SLC43A2: variants seen among roughly 807,000 people sequenced by gnomAD.
The protein encoded by SLC43A2 is large neutral amino acids transporter small subunit 4.
In SLC43A2, 38 loss-of-function variants were observed where a neutral mutation model predicts 63.2. The observed-to-expected ratio is 0.60, with a 90% CI of 0.46 to 0.79. The LOEUF is 0.79. Ranked by LOEUF, SLC43A2 falls within the 30% of genes least tolerant of loss-of-function variation. SLC43A2 has a pLI of 0.00. For missense variants in SLC43A2, 644 were observed against 756.2 expected (o/e 0.85, Z 1.74); for synonymous variants, 322 against 331.0 (o/e 0.97, Z 0.30).
intron 11 of SLC43A2, among the ~76,000 whole-genome samples, chr17:1,581,921 T>C (rs944886208): frequency 3.3e-5 from 5 of 150,898 alleles, no homozygotes; most frequent in Admixed American, 1.3e-4. Flanking sequence ...TTCTCCTGCC[T>C]CAGCCCTCCT....
intron 2 of SLC43A2, among the ~76,000 whole-genome samples, chr17:1,622,942 T>C (rs1199672947): frequency 6.7e-6 from 1 of 148,660 alleles, no homozygotes; most frequent in Non-Finnish European, 1.5e-5. Flanking sequence ...AAAATACAAA[T>C]ACAAATACAA....
At chr17:1,595,438 C>G (rs1190351181) in intron 5 of SLC43A2, among the ~76,000 whole-genome samples, 1 of 152,048 alleles carries the variant, frequency 6.6e-6, no homozygotes, top group Admixed American at 6.6e-5. Flanking sequence ...CGCCACCATG[C>G]CCCAGCTAGT....
Position 1,572,219 on chromosome 17 carries a change from C to T in SLC43A2, c.*3385G>A, listed in dbSNP as rs1005201465. ...CCCAGAAACGGAAACCATGCCTGGG[C>T]CTGCTCCCCTTCCTTGGGCTGTGAC... On this transcript the variant is annotated 3_prime_UTR_variant, in exon 14 of 14. Transcript: ENST00000301335. 1.3e-5 allele frequency: 2 copies of T among 152,048 alleles called. No individual in the cohort carries two copies. Among genetic ancestry groups the T allele is most frequent in the African/African-American group, 4.8e-5 (2 of 41,282 alleles). The allele number at this position is 152,048 out of a possible 1,614,324, so 9.4% of individuals were successfully genotyped here.
At chr17:1,627,016 G>C (rs1230447025) in intron 2 of SLC43A2, among the ~76,000 whole-genome samples, 2 of 152,162 alleles carry the variant, frequency 1.3e-5, no homozygotes, top group East Asian at 3.9e-4. Flanking sequence ...AGCATCCTCA[G>C]CCTGCCTTCA....
intron 5 of SLC43A2, among the ~76,000 whole-genome samples, chr17:1,600,962 C>CGAAAGAAAA (rs1905949671): frequency 6.6e-6 from 1 of 151,562 alleles, no homozygotes; most frequent in Non-Finnish European, 1.5e-5. Flanking sequence ...CTAGAGATAC[C>CGAAAGAAAA]GAAAGAAAAG....
intron 10 of SLC43A2, 24 bp downstream of exon 10, chr17:1,585,888 CG>C: frequency 6.2e-7 from 1 of 1,613,330 alleles, no homozygotes; most frequent in Non-Finnish European, 8.5e-7. Flanking sequence ...GGCTGGGAGC[CG>C]GGGCACCGGC....
chr17:1,615,374 A>G (rs1483950476), intron 3 of SLC43A2, among the ~76,000 whole-genome samples: 1 of 151,972 alleles, frequency 6.6e-6, no homozygotes, highest in Non-Finnish European at 1.5e-5. Context: ...CCTCCCAAAA[A>G]GCTGGGATTA....
In SLC43A2 at chr17:1,605,156, G is replaced by A. The variant is rs1335737436; in HGVS notation, c.501+8039C>T. 2.4e-6 allele frequency: 3 copies of A among 1,247,994 alleles called. No individual in the cohort carries two copies. Among genetic ancestry groups the A allele is most frequent in the South Asian group, 1.7e-5 (1 of 57,650 alleles). The allele number at this position is 1,247,994 out of a possible 1,614,324, so 77.3% of individuals were successfully genotyped here. The stretch of plus-strand genomic sequence containing the variant: ...CCCTCGCCGCCTCTGCCTCCGTGCG[G>A]GTCAACCTGTCCTGCCAGCCCGGGC... On this transcript the variant is annotated intron_variant, in intron 5 of 13. Transcript: ENST00000301335. This position sits in a 1 kb window ranked among gnomAD's most constrained non-coding sequence, Gnocchi z 4.9.
chr17:1,624,096 C>A (rs185678681), intron 2 of SLC43A2, among the ~76,000 whole-genome samples: 2 of 152,222 alleles, frequency 1.3e-5, no homozygotes, highest in African/African-American at 4.8e-5. Context: ...ACGGCACCTT[C>A]GTCAATGTTT....
At chr17:1,590,017 T>G (rs1374734803) in intron 9 of SLC43A2, among the ~76,000 whole-genome samples, 4 of 152,212 alleles carry the variant, frequency 2.6e-5, no homozygotes, top group Non-Finnish European at 5.9e-5. Context: ...AAAAACCTGA[T>G]AACTGATTCT....
intron 5 of SLC43A2, among the ~76,000 whole-genome samples, chr17:1,611,364 G>C (rs911292951): frequency 2.6e-5 from 4 of 152,156 alleles, no homozygotes. Flanking sequence ...GCCGAGCGCC[G>C]TGGCTCACGC....
intron 2 of SLC43A2, among the ~76,000 whole-genome samples, chr17:1,620,565 C>T (rs2151079593): frequency 6.6e-6 from 1 of 152,238 alleles, no homozygotes; most frequent in African/African-American, 2.4e-5. Flanking sequence ...CAAATCCCTG[C>T]CGATGGGGCC....
chr17:1,629,177 T>C (rs1908969907), upstream of SLC43A2, among the ~76,000 whole-genome samples: 1 of 149,886 alleles, frequency 6.7e-6, no homozygotes, highest in Admixed American at 6.6e-5. Context: ...CCCAGCGGAC[T>C]CCCCCCAGAA....
chr17:1,579,193 G>C (rs915041151), intron 11 of SLC43A2, among the ~76,000 whole-genome samples: 1 of 150,314 alleles, frequency 6.7e-6, no homozygotes, highest in Admixed American at 6.7e-5. Context: ...GAGAATGGTG[G>C]CTCACACCTG....
intron 9 of SLC43A2, 77 bp from the exon 10 acceptor site, chr17:1,586,128 G>A (rs1337327134): frequency 1.3e-6 from 2 of 1,492,664 alleles, no homozygotes; most frequent in African/African-American, 2.8e-5. Context: ...AGCTGGGAAG[G>A]GGCTGGTCCC....
intron 13 of SLC43A2, 61 bp from the exon 14 acceptor site, chr17:1,575,826 G>T: frequency 1.3e-6 from 2 of 1,523,312 alleles, no homozygotes; most frequent in Non-Finnish European, 8.8e-7. Flanking sequence ...CTGCAGACCC[G>T]CCCTCCACTC....
chr17:1,612,273 ACTTT>A (rs1339041063), intron 5 of SLC43A2, among the ~76,000 whole-genome samples: 2 of 151,640 alleles, frequency 1.3e-5, no homozygotes, highest in Non-Finnish European at 2.9e-5. Flanking sequence ...CCCTTTTTTG[ACTTT>A]CTTTCTTTCA....
intron 6 of SLC43A2, among the ~76,000 whole-genome samples, chr17:1,592,972 G>T (rs1227215867): frequency 6.6e-6 from 1 of 152,180 alleles, no homozygotes; most frequent in African/African-American, 2.4e-5. Flanking sequence ...AAAGGCACCT[G>T]CGGCAGATCC....
At chr17:1,614,275 T>G (rs1431210612) in intron 4 of SLC43A2, among the ~76,000 whole-genome samples, 1 of 151,372 alleles carries the variant, frequency 6.6e-6, no homozygotes, top group Non-Finnish European at 1.5e-5. Flanking sequence ...GCTAGCTGTG[T>G]GTGTGCGTGC....
Sources: gnomAD v4.1 joint callset for allele counts (sites outside exome capture counted in the v4.1 genomes callset) on GRCh38, gnomAD v4.1.1 for gene constraint, Gnocchi (gnomAD v3.1) non-coding constraint, MANE v1.5 for transcripts, NCBI Gene and HGNC (gene_info 2026-07-23, HGNC 2026-07-21) for gene names.